Variants in IGF1R observed in about 807,000 individuals in gnomAD.
The protein encoded by IGF1R is insulin-like growth factor 1 receptor.
Under a neutral mutation model 144.6 loss-of-function variants are expected in IGF1R, and 44 were observed. The ratio of observed to expected loss-of-function variants is 0.30; its 90% CI spans 0.24 to 0.39. The LOEUF is 0.39. Among genes scored for constraint, IGF1R ranks in the 10% least tolerant of loss-of-function variants. The pLI, the probability that IGF1R is intolerant of heterozygous loss-of-function variation, is 1.00. For synonymous variants in IGF1R, 795 were observed against 722.8 expected, an observed-to-expected ratio of 1.10 and a Z score of -1.60; for missense variants, 1,355 against 1,833.7, an observed-to-expected ratio of 0.74 and a Z score of 4.77.
At chr15:98,910,458 C>T (rs748794076) in intron 6 of IGF1R, among the ~76,000 whole-genome samples, 6 of 152,210 alleles carry the variant, frequency 3.9e-5, no homozygotes, top group Non-Finnish European at 8.8e-5. Flanking sequence ...CTTCTTAGCT[C>T]TTTTACTGTC....
intron 2 of IGF1R, among the ~76,000 whole-genome samples, chr15:98,811,913 ACT>A (rs1371810570): frequency 6.6e-6 from 1 of 152,098 alleles, no homozygotes; most frequent in Non-Finnish European, 1.5e-5. Context: ...ACAGAGCCAG[ACT>A]CTGTCTCAAA....
At chr15:98,879,913 A>G (rs529138351) in intron 2 of IGF1R, among the ~76,000 whole-genome samples, 5 of 152,356 alleles carry the variant, frequency 3.3e-5, no homozygotes, top group African/African-American at 1.2e-4. Flanking sequence ...ATTCATGTAA[A>G]ATATCCAGAA....
chr15:98,960,963 G>A lies in IGF1R; in HGVS notation c.*3521G>A, dbSNP rs900021528. The A allele has an allele frequency of 2.6e-5, 6 of 233,644 alleles. No individual in the cohort carries two copies. The highest frequency in any genetic ancestry group is 1.7e-4 in the Admixed American group (3 of 17,764). 14.5% of individuals were successfully genotyped at this position (233,644 alleles called of 1,614,324 possible). ...TGGTCCTGCTGCTCACAGGACAGAC[G>A]GCTCGCTCCCCTCTTCCAGCAGCTG... is the stretch of plus-strand genomic sequence containing the variant. On this transcript the variant is annotated 3_prime_UTR_variant, in exon 21 of 21. Transcript: ENST00000650285.
chr15:98,665,071 C>A (rs2052701024), intron 1 of IGF1R, among the ~76,000 whole-genome samples: 1 of 151,596 alleles, frequency 6.6e-6, no homozygotes, highest in Non-Finnish European at 1.5e-5. Context: ...CATTCTCCTG[C>A]CTCAGCCTCC....
intron 1 of IGF1R, among the ~76,000 whole-genome samples, chr15:98,652,017 TG>T (rs201840942): frequency 0.036 from 5,460 of 152,268 alleles, 316 homozygotes; most frequent in African/African-American, 0.12. Flanking sequence ...TGTTGTCTGG[TG>T]GAGAAATAAA....
chr15:98,683,091 A>C (rs1449953482), intron 1 of IGF1R, among the ~76,000 whole-genome samples: 1 of 151,366 alleles, frequency 6.6e-6, no homozygotes, highest in East Asian at 1.9e-4. Context: ...TTCTGTGGTT[A>C]TAGGGATTCT....
Position 98,963,198 on chromosome 15 carries a change from G to T in IGF1R, c.*5756G>T, listed in dbSNP as rs1297694178. 1 of 219,922 alleles carries T rather than the reference G, an allele frequency of 4.5e-6. No individual in the cohort carries two copies. Among genetic ancestry groups the T allele is most frequent in the African/African-American group, 2.5e-5 (1 of 40,614 alleles). 13.6% of individuals were successfully genotyped at this position (219,922 alleles called of 1,614,324 possible). A position where few individuals can be genotyped will look rare whatever the true frequency, so the allele number is the denominator to read the frequency against. ...TTTTTTTTTCTCTGTGTGTGCAAAT[G>T]TGTGTTTGTGATCCATTTTTTTTTT... On this transcript the variant is annotated 3_prime_UTR_variant, in exon 21 of 21. Transcript: ENST00000650285.
intron 2 of IGF1R, among the ~76,000 whole-genome samples, chr15:98,719,510 G>T (rs1311587749): frequency 6.6e-6 from 1 of 152,234 alleles, no homozygotes; most frequent in African/African-American, 2.4e-5. Flanking sequence ...CCAAAGGTGG[G>T]TGATGAGGAG....
chr15:98,947,016 C>A (rs987332246), intron 19 of IGF1R, among the ~76,000 whole-genome samples: 3 of 152,208 alleles, frequency 2.0e-5, no homozygotes, highest in African/African-American at 7.2e-5. Context: ...GGTACTACTG[C>A]CACTGGCATC....
intron 2 of IGF1R, among the ~76,000 whole-genome samples, chr15:98,760,817 G>A (rs2055277330): frequency 6.6e-6 from 1 of 152,214 alleles, no homozygotes; most frequent in African/African-American, 2.4e-5. Context: ...GAAGGCTTAT[G>A]TTTTCTGATT....
chr15:98,934,195 G>C (rs2016053820), intron 15 of IGF1R, among the ~76,000 whole-genome samples: 1 of 150,638 alleles, frequency 6.6e-6, no homozygotes, highest in South Asian at 2.1e-4. Context: ...ATGCTCAGGA[G>C]TCCCATGTAG....
At chr15:98,890,168 G>C (rs560081043) in intron 2 of IGF1R, among the ~76,000 whole-genome samples, 6 of 152,164 alleles carry the variant, frequency 3.9e-5, no homozygotes, top group African/African-American at 1.4e-4. Flanking sequence ...ACTTGTCAGA[G>C]GCATTGAAAC....
At chr15:98,758,893 G>T (rs1056160603) in intron 2 of IGF1R, among the ~76,000 whole-genome samples, 2 of 152,192 alleles carry the variant, frequency 1.3e-5, no homozygotes, top group African/African-American at 4.8e-5. Context: ...TTGCTGTATT[G>T]TGAGAAGGAG....
At chr15:98,754,027 T>G (rs1338731499) in intron 2 of IGF1R, among the ~76,000 whole-genome samples, 1 of 152,232 alleles carries the variant, frequency 6.6e-6, no homozygotes, top group African/African-American at 2.4e-5. Flanking sequence ...AGCCTTGTTT[T>G]CCTTTTTCAG....
chr15:98,662,123 G>A (rs2052615643), intron 1 of IGF1R, among the ~76,000 whole-genome samples: 1 of 151,848 alleles, frequency 6.6e-6, no homozygotes, highest in Admixed American at 6.6e-5. Context: ...GGGATTACAG[G>A]CGTGTGCCAC....
chr15:98,809,374 T>G (rs754163840), intron 2 of IGF1R, among the ~76,000 whole-genome samples: 4 of 152,172 alleles, frequency 2.6e-5, no homozygotes, highest in Non-Finnish European at 5.9e-5. Context: ...GGCTTCCTTC[T>G]GCGAAGGTGA....
chr15:98,673,707 T>C (rs2052958249), intron 1 of IGF1R, among the ~76,000 whole-genome samples: 2 of 152,202 alleles, frequency 1.3e-5, no homozygotes, highest in South Asian at 4.1e-4. Flanking sequence ...GCTGATGGTG[T>C]AGTGCTCTTG....
At chr15:98,951,264 GC>G (rs1171482636) in intron 20 of IGF1R, among the ~76,000 whole-genome samples, 1 of 152,214 alleles carries the variant, frequency 6.6e-6, no homozygotes, top group East Asian at 1.9e-4. Context: ...GTGATGGGAG[GC>G]TCCTCTTCTC....
At chr15:98,690,347 AAAAC>A (rs2053445989) in intron 1 of IGF1R, among the ~76,000 whole-genome samples, 2 of 152,150 alleles carry the variant, frequency 1.3e-5, no homozygotes, top group Admixed American at 6.5e-5. Context: ...TCCCAAAACA[AAAAC>A]AAAAACACAT....
Sources: allele counts gnomAD v4.1 joint callset (sites outside exome capture counted in the v4.1 genomes callset), GRCh38; gene constraint gnomAD v4.1.1; transcripts MANE v1.5; gene names NCBI Gene and HGNC (gene_info 2026-07-23, HGNC 2026-07-21).